Variants in ZNRF3 observed in about 807,000 individuals in gnomAD.
The protein encoded by ZNRF3 is E3 ubiquitin-protein ligase ZNRF3.
In ZNRF3, 23 loss-of-function variants were observed where a neutral mutation model predicts 72.5. The observed-to-expected ratio is 0.32, with a 90% CI of 0.23 to 0.45. The LOEUF (loss-of-function observed/expected upper bound fraction) is 0.45. Ranked by LOEUF, ZNRF3 falls within the 20% of genes least tolerant of loss-of-function variation. The probability of loss-of-function intolerance (pLI) is 1.00; values close to 1 mark genes in which losing one functional copy is unlikely to be tolerated. For missense variants in ZNRF3, 1,169 were observed against 1,272.1 expected (o/e 0.92, Z 1.23); for synonymous variants, 610 against 545.3 (o/e 1.12, Z -1.65).
intron 2 of ZNRF3, among the ~76,000 whole-genome samples, chr22:29,014,225 A>G (rs1428559736): frequency 6.6e-6 from 1 of 152,064 alleles, no homozygotes; most frequent in Non-Finnish European, 1.5e-5. Context: ...ATGTTACTCT[A>G]ATTATCACTG....
At chr22:28,939,778 A>G (rs1286843681) in intron 1 of ZNRF3, among the ~76,000 whole-genome samples, 1 of 152,072 alleles carries the variant, frequency 6.6e-6, no homozygotes, top group Non-Finnish European at 1.5e-5. Context: ...TTCACATCCT[A>G]CACCCCAAGT....
At chr22:28,983,297 G>C (rs2035798823) in intron 1 of ZNRF3, among the ~76,000 whole-genome samples, 1 of 143,084 alleles carries the variant, frequency 7.0e-6, no homozygotes, top group Non-Finnish European at 1.5e-5. Context: ...ATGAAATGTG[G>C]CCCAGGGCAC....
intron 1 of ZNRF3, among the ~76,000 whole-genome samples, chr22:28,931,890 C>A (rs2123778707): frequency 6.6e-6 from 1 of 152,322 alleles, no homozygotes; most frequent in Non-Finnish European, 1.5e-5. Flanking sequence ...TCTTACTCAG[C>A]TAAACTTTGG....
chr22:29,034,286 A>T (rs1461108586), intron 2 of ZNRF3, among the ~76,000 whole-genome samples: 3 of 152,152 alleles, frequency 2.0e-5, no homozygotes, highest in Admixed American at 6.5e-5. Context: ...GTATACTCGA[A>T]TGTTTCCATA....
At chr22:29,002,876 G>A (rs1436274470) in intron 2 of ZNRF3, among the ~76,000 whole-genome samples, 2 of 152,172 alleles carry the variant, frequency 1.3e-5, no homozygotes, top group Non-Finnish European at 2.9e-5. Context: ...GGCGCACATG[G>A]CAGGGGGAGA....
rs998504530 is a variant in ZNRF3 at position 28,883,822 on chromosome 22, T to C, written c.56T>C (p.Leu19Pro). The C allele has an allele frequency of 1.3e-4, 128 of 974,480 alleles. No homozygotes were observed. The highest frequency in any genetic ancestry group is 8.4e-4 in the South Asian group (18 of 21,432). The allele number at this position is 974,480 out of a possible 1,614,324, so 60.4% of individuals were successfully genotyped here. ...GCCACGGGCCGCCGCCGCCGCCGCCTGCGCCGCCGCCCCCGCGGCCTCCGG... is the reference window on the plus strand; with the variant it reads ...GCCACGGGCCGCCGCCGCCGCCGCCCGCGCCGCCGCCCCCGCGGCCTCCGG... ...PGATGRRRRRLRRRPRGLRCS... is the reference protein window; with the variant it reads ...PGATGRRRRRPRRRPRGLRCS... The change falls in exon 1 of 9, where the codon CTG (leucine) becomes CCG (proline). Residue 19 changes from leucine to proline, a missense_variant. Physicochemically the swap from Leu to Pro is moderately conservative, Grantham distance 98 (BLOSUM62 -3). This residue lies in a region of ZNRF3 where 386 missense variants were observed against 540.7 expected (regional missense o/e 0.71). Coordinates refer to ENST00000544604, the MANE Select transcript of ZNRF3 (RefSeq NM_001206998.2). The surrounding 1 kb of genome is among the most constrained non-coding windows in gnomAD (Gnocchi z 5.5).
intron 2 of ZNRF3, among the ~76,000 whole-genome samples, chr22:29,039,376 CGCGCTCCT>C (rs981807797): frequency 5.3e-5 from 8 of 152,264 alleles, no homozygotes; most frequent in African/African-American, 1.7e-4. Context: ...GCACAGGTAC[CGCGCTCCT>C]GATCTGGACT....
intron 1 of ZNRF3, among the ~76,000 whole-genome samples, chr22:28,975,396 G>T (rs952039981): frequency 6.6e-6 from 1 of 151,902 alleles, no homozygotes; most frequent in African/African-American, 2.4e-5. Flanking sequence ...CAGCTACTCG[G>T]GGGGCTGAGG....
At chr22:28,884,805 G>C (rs1381399183) in intron 1 of ZNRF3, among the ~76,000 whole-genome samples, 2 of 151,614 alleles carry the variant, frequency 1.3e-5, no homozygotes, top group East Asian at 3.9e-4. Flanking sequence ...CTCCACCTTG[G>C]ACCAAATGAA....
Position 28,987,069 on chromosome 22 carries a change from T to G in ZNRF3, c.301-7T>G. On this transcript the variant is annotated splice_polypyrimidine_tract_variant and splice_region_variant and intron_variant, in intron 1 of 8. Coordinates refer to ENST00000544604, the MANE Select transcript of ZNRF3 (RefSeq NM_001206998.2). ...TGCTGAAGTTTTCTTTCCATTTTATTTCCTAGATGCACCCACTGGGCCTAT... is the reference window on the plus strand; with the variant it reads ...TGCTGAAGTTTTCTTTCCATTTTATGTCCTAGATGCACCCACTGGGCCTAT... 6.2e-7 allele frequency: 1 copy of G among 1,605,010 alleles called. No homozygotes were observed. The highest frequency in any genetic ancestry group is 8.5e-7 in the Non-Finnish European group (1 of 1,176,536).
At chr22:28,894,635 C>G (rs1243278724) in intron 1 of ZNRF3, among the ~76,000 whole-genome samples, 1 of 152,132 alleles carries the variant, frequency 6.6e-6, no homozygotes, top group Non-Finnish European at 1.5e-5. Flanking sequence ...TCTTTCCTGT[C>G]GAGCAGGCTT....
At chr22:28,962,691 A>G (rs2035386182) in intron 1 of ZNRF3, among the ~76,000 whole-genome samples, 1 of 152,222 alleles carries the variant, frequency 6.6e-6, no homozygotes. Context: ...TTGGGGAGGT[A>G]TGCAGGGGAG....
chr22:29,051,880 CAAAA>C (rs758308347), intron 8 of ZNRF3, among the ~76,000 whole-genome samples: 65 of 83,620 alleles, frequency 7.8e-4, no homozygotes, highest in Admixed American at 2.4e-3. Context: ...GACTCCATCT[CAAAA>C]AAAAAAAAAA....
Position 28,883,917 on chromosome 22 carries a change from G to C in ZNRF3, c.151G>C (p.Gly51Arg). ...GCTGCTGCTGGCGGCCGCGGGGCCC[G>C]GCGCGGCGCGGGCCAAGGAGACGGC... ...LGLLLAAAGP[G>R]AARAKETAFV... The change falls in exon 1 of 9, where the codon GGC becomes CGC. Residue 51 changes from glycine (G) to arginine (R), a missense_variant. Gly to Arg is a moderately radical substitution (Grantham distance 125). Around this residue, in one of 2 missense-constraint regions of ZNRF3, gnomAD observed 386 missense variants for 540.7 expected, o/e 0.71. Transcript: ENST00000544604. This position sits in a 1 kb window ranked among gnomAD's most constrained non-coding sequence, Gnocchi z 5.5. The C allele has an allele frequency of 1.7e-6, 2 of 1,173,952 alleles. No individual in the cohort carries two copies. The highest frequency in any genetic ancestry group is 2.1e-6 in the Non-Finnish European group (2 of 935,300). 72.7% of individuals were successfully genotyped at this position (1,173,952 alleles called of 1,614,324 possible). A position where few individuals can be genotyped will look rare whatever the true frequency, so the allele number is the denominator to read the frequency against.
At chr22:29,023,859 C>T (rs1162699585) in intron 2 of ZNRF3, among the ~76,000 whole-genome samples, 1 of 152,180 alleles carries the variant, frequency 6.6e-6, no homozygotes, top group Non-Finnish European at 1.5e-5. Flanking sequence ...TGCCTGATAG[C>T]TGGGTGCCTC....
At chr22:28,986,431 T>C (rs1297084779) in intron 1 of ZNRF3, among the ~76,000 whole-genome samples, 1 of 152,236 alleles carries the variant, frequency 6.6e-6, no homozygotes, top group East Asian at 1.9e-4. Context: ...CTTAGGGTTG[T>C]TCTGGTTTGA....
chr22:29,018,320 A>G (rs1020321629), intron 2 of ZNRF3: 1 of 224,934 alleles, frequency 4.4e-6, no homozygotes, highest in Admixed American at 5.0e-5. Context: ...GAGGAAGGGG[A>G]AGGGGTAGTG....
At chr22:28,939,332 A>T (rs558346011) in intron 1 of ZNRF3, among the ~76,000 whole-genome samples, 1 of 151,738 alleles carries the variant, frequency 6.6e-6, no homozygotes, top group African/African-American at 2.4e-5. Context: ...TATGTTTGTT[A>T]GGGTTAAGAT....
chr22:28,937,174 A>AATATATATAT lies in ZNRF3; in HGVS notation c.301-49869_301-49860dup, dbSNP rs61520434. On this transcript the variant is annotated intron_variant, in intron 1 of 8. Coordinates refer to ENST00000544604, the MANE Select transcript of ZNRF3 (RefSeq NM_001206998.2). The stretch of plus-strand genomic sequence containing the variant: ...CGCTGCCAACCTACTTCTCTCTTAT[A>AATATATATAT]ATATATATATATATATATATATATA... Among the ~76,000 whole-genome samples the AATATATATAT allele has an allele frequency of 5.3e-4, 42 of 78,648 alleles. 1 individual carries two copies. The highest frequency in any genetic ancestry group is 1.7e-3 in the African/African-American group (26 of 15,296). 51.6% of individuals were successfully genotyped at this position (78,648 alleles called of 152,430 possible).
Sources: gnomAD v4.1 joint callset for allele counts (sites outside exome capture counted in the v4.1 genomes callset) on GRCh38, gnomAD v4.1.1 for gene constraint, gnomAD v4.1.1 regional missense constraint, Gnocchi (gnomAD v3.1) non-coding constraint, MANE v1.5 for transcripts, NCBI Gene and HGNC (gene_info 2026-07-23, HGNC 2026-07-21) for gene names.